HUWE1: variants seen among roughly 807,000 people sequenced by gnomAD.
HUWE1 encodes HECT, UBA and WWE domain containing E3 ubiquitin protein ligase 1.
Under a neutral mutation model 299.4 loss-of-function variants are expected in HUWE1, and 18 were observed. That is an observed-to-expected ratio of 0.06 (90% confidence interval 0.04 to 0.09). The LOEUF (loss-of-function observed/expected upper bound fraction) is 0.09. HUWE1 is among the 10% of genes least tolerant of loss of function. The pLI is 1.00. For missense variants in HUWE1, 1,832 were observed against 3,462.3 expected (o/e 0.53, Z 11.82); for synonymous variants, 1,317 against 1,286.1 (o/e 1.02, Z -0.51).
intron 50 of HUWE1, 45 bp downstream of exon 50, chrX:53,565,022 A>G (rs1036711555): frequency 2.6e-6 from 3 of 1,159,018 alleles, no homozygotes; most frequent in Non-Finnish European, 3.5e-6. Context: ...AGGCCCATAA[A>G]GCAACTACTC....
In HUWE1 at chrX:53,629,751, CAAATT is replaced by C. The variant is rs1369659342; in HGVS notation, c.863-140_863-136del. On this transcript the variant is annotated intron_variant, in intron 12 of 83. Transcript: ENST00000262854. ...CAGCAATGGAGGGCAGAATCATCACCAAATTAAATTCTGAAGGACTGGATCAAATA... is the reference window on the plus strand; with the variant it reads ...CAGCAATGGAGGGCAGAATCATCACCAAATTCTGAAGGACTGGATCAAATA... 3 of 452,505 alleles carry C rather than the reference CAAATT, an allele frequency of 6.6e-6. No individual in the cohort carries two copies. The East Asian group carries it at 1.1e-4, about 17-fold the overall frequency. The allele number at this position is 452,505 out of a possible 1,213,427, so 37.3% of individuals were successfully genotyped here.
chrX:53,535,649 T>G (rs2061007633), intron 80 of HUWE1, 148 bp from the exon 81 acceptor site: 1 of 505,851 alleles, frequency 2.0e-6, no homozygotes, highest in Non-Finnish European at 3.6e-6. Flanking sequence ...CTACTACTCA[T>G]AGCTCGCAAC....
chrX:53,662,253 ACCTGGGCTAGAATC>A lies in HUWE1; in HGVS notation c.-24-8136_-24-8123del, dbSNP rs782797759. ...CTAGATCAGAATACAGACTCAGAAA[ACCTGGGCTAGAATC>A]CCTGCTATATCACTTACTCACTGCA... On this transcript the variant is annotated intron_variant, in intron 3 of 83. Coordinates refer to ENST00000262854, the MANE Select transcript of HUWE1 (RefSeq NM_031407.7). Among the ~76,000 whole-genome samples, 24 of 111,498 alleles carry A rather than the reference ACCTGGGCTAGAATC, an allele frequency of 2.2e-4. 1 individual carries two copies. The highest frequency in any genetic ancestry group is 2.1e-3 in the Admixed American group (22 of 10,510).
At chrX:53,637,224 G>C (rs782675168) in intron 7 of HUWE1, among the ~76,000 whole-genome samples, 35 of 112,046 alleles carry the variant, frequency 3.1e-4, no homozygotes, top group Non-Finnish European at 5.8e-4. Context: ...TCTGCTTCTG[G>C]AACCTACTGA....
At chrX:53,676,813 T>C (rs1036083848) in intron 3 of HUWE1, among the ~76,000 whole-genome samples, 2 of 112,051 alleles carry the variant, frequency 1.8e-5, no homozygotes, top group Non-Finnish European at 3.8e-5. Flanking sequence ...TATACACTTA[T>C]ATGTGTAACC....
intron 15 of HUWE1, 31 bp from the exon 16 acceptor site, chrX:53,627,910 G>C (rs2066623443): frequency 5.1e-6 from 6 of 1,185,411 alleles, no homozygotes; most frequent in Non-Finnish European, 6.9e-6. Context: ...CAAAAACAAT[G>C]AACTATAAAG....
Position 53,532,966 on chromosome X carries a change from T to C in HUWE1, c.*343A>G, listed in dbSNP as rs782157627. 6.7e-6 allele frequency: 1 copy of C among 148,198 alleles called. No homozygotes were observed. The highest frequency in any genetic ancestry group is 1.3e-5 in the Non-Finnish European group (1 of 77,101). The allele number at this position is 148,198 out of a possible 1,213,427, so 12.2% of individuals were successfully genotyped here. On this transcript the variant is annotated 3_prime_UTR_variant, in exon 84 of 84. Transcript: ENST00000262854. ...TTCCCCTATCCAAAGGTTTCAAGTCTCAATGCAGCAAATCCTTCTGAACAC... is the reference window on the plus strand; with the variant it reads ...TTCCCCTATCCAAAGGTTTCAAGTCCCAATGCAGCAAATCCTTCTGAACAC...
chrX:53,537,433 T>TA (rs2061115686), intron 78 of HUWE1, 123 bp downstream of exon 78: 1 of 732,118 alleles, frequency 1.4e-6, no homozygotes, highest in Non-Finnish European at 2.1e-6. Flanking sequence ...ACCAGATTCC[T>TA]ATGGGGAATT....
intron 74 of HUWE1, 151 bp from the exon 75 acceptor site, chrX:53,539,963 G>A (rs1011858659): frequency 4.2e-6 from 2 of 479,452 alleles, no homozygotes; most frequent in Non-Finnish European, 6.9e-6. Flanking sequence ...CTGAAACAAG[G>A]TCTAGGACCT....
chrX:53,568,638 T>C, intron 49 of HUWE1, 54 bp downstream of exon 49: 1 of 1,116,068 alleles, frequency 9.0e-7, no homozygotes, highest in Non-Finnish European at 1.2e-6. Flanking sequence ...TCCACATCAT[T>C]CGTGTAGTGA....
chrX:53,580,232 GC>G (rs1287623957), intron 43 of HUWE1, among the ~76,000 whole-genome samples: 3 of 111,538 alleles, frequency 2.7e-5, no homozygotes, highest in Non-Finnish European at 5.6e-5. Flanking sequence ...CTAATACATA[GC>G]ACTCAAATTT....
At chrX:53,590,957 C>CA in intron 34 of HUWE1, 43 bp downstream of exon 34, 1 of 1,207,369 alleles carries the variant, frequency 8.3e-7, no homozygotes. Flanking sequence ...CTTCAGCAGT[C>CA]AAACCAATAT....
chrX:53,662,379 C>A (rs1265658826), intron 3 of HUWE1, among the ~76,000 whole-genome samples: 1 of 111,729 alleles, frequency 9.0e-6, no homozygotes, highest in African/African-American at 3.3e-5. Flanking sequence ...ACTCTAATTT[C>A]TAAGTTCGCC....
chrX:53,573,743 A>C lies in HUWE1; in HGVS notation c.6312+7T>G. ...GTAACATCTTAAATAGAAGTTGGAA[A>C]TATTACCTCTTTGATCAGTTCAGAC... On this transcript the variant is annotated splice_region_variant and intron_variant, in intron 47 of 83. Transcript: ENST00000262854. The C allele has an allele frequency of 8.4e-7, 1 of 1,190,951 alleles. No homozygotes were observed. The highest frequency in any genetic ancestry group is 1.1e-6 in the Non-Finnish European group (1 of 876,320).
Position 53,628,546 on chromosome X carries a change from C to G in HUWE1, c.1189G>C (p.Asp397His). ...GAGACCAAGGCTTCACCACCAGCAT[C>G]GTAGCTGGCCAGATGGTATAAAAAA... ...FSFLYHLASY[D>H]AGGEALVSCG... The change falls in exon 15 of 84, where the codon GAT becomes CAT. Residue 397 changes from aspartate (D) to histidine (H), a missense_variant. This residue lies in a region of HUWE1 where 658 missense variants were observed against 1,282.6 expected (regional missense o/e 0.51). Coordinates refer to ENST00000262854, the MANE Select transcript of HUWE1 (RefSeq NM_031407.7). The G allele has an allele frequency of 8.6e-7, 1 of 1,164,381 alleles. No individual in the cohort carries two copies. The highest frequency in any genetic ancestry group is 1.1e-6 in the Non-Finnish European group (1 of 871,302).
At position 53,608,891 on chromosome X, in the gene HUWE1, T is replaced by C. The variant is rs781945519; in HGVS notation, c.2280A>G (p.Glu760=). ...AATCCATGAGGGGAATAGGAATACG[T>C]TCCTCTGTACCAACAACCCTGTTAG... is the stretch of plus-strand genomic sequence containing the variant. The part of the protein sequence containing the change: ...EPNQQVVGTE[E]RIPIPLMDYI... The change falls in exon 24 of 84, where the codon GAA becomes GAG. Residue 760 remains glutamate, a synonymous_variant. Transcript: ENST00000262854. The C allele has an allele frequency of 5.3e-5, 62 of 1,163,322 alleles. No individual in the cohort carries two copies. In the Middle Eastern group the frequency reaches 9.4e-4, roughly 18 times the overall value.
At chrX:53,663,102 AAT>A (rs1557046190) in intron 3 of HUWE1, among the ~76,000 whole-genome samples, 1 of 112,548 alleles carries the variant, frequency 8.9e-6, no homozygotes, top group East Asian at 2.8e-4. Flanking sequence ...TGAAATTGGT[AAT>A]AGAGACAATT....
intron 21 of HUWE1, among the ~76,000 whole-genome samples, chrX:53,616,246 G>T (rs1165512021): frequency 7.4e-5 from 8 of 108,536 alleles, no homozygotes; most frequent in African/African-American, 2.4e-4. Flanking sequence ...TTTTGGTTGT[G>T]ATTTTCTAAT....
intron 41 of HUWE1, 98 bp from the exon 42 acceptor site, chrX:53,584,014 A>T (rs1556970707): frequency 3.6e-6 from 3 of 839,065 alleles, no homozygotes; most frequent in Non-Finnish European, 5.3e-6. Context: ...CTTGGGTCCT[A>T]TTAAGAGAAG....
Sources: gnomAD v4.1 joint callset for allele counts (sites outside exome capture counted in the v4.1 genomes callset) on GRCh38, gnomAD v4.1.1 for gene constraint, gnomAD v4.1.1 regional missense constraint, MANE v1.5 for transcripts, NCBI Gene and HGNC (gene_info 2026-07-23, HGNC 2026-07-21) for gene names.